ATXN1: variants seen among roughly 807,000 people sequenced by gnomAD.
ATXN1 encodes the protein ataxin 1.
ATXN1 carries 8 observed loss-of-function variants against 56.4 expected under a neutral mutation model. That is an observed-to-expected ratio of 0.14 (90% CI 0.08 to 0.26). The LOEUF (loss-of-function observed/expected upper bound fraction) is 0.26, where lower values mean the gene tolerates loss of function less well. Ranked by LOEUF, ATXN1 falls within the 10% of genes least tolerant of loss-of-function variation. The pLI is 1.00. For missense variants in ATXN1, 987 were observed against 1,106.5 expected (o/e 0.89, Z 1.53); for synonymous variants, 514 against 494.6 (o/e 1.04, Z -0.52).
intron 6 of ATXN1, among the ~76,000 whole-genome samples, chr6:16,347,849 C>A (rs6937740): frequency 1.3e-5 from 2 of 152,090 alleles, no homozygotes; most frequent in Non-Finnish European, 2.9e-5. Flanking sequence ...TAACCTTCTC[C>A]GATCCCTTTC....
rs200946216 is a variant in ATXN1 at position 16,671,301 on chromosome 6, TTTTC to T, written c.-614-13404_-614-13401del. 1.1e-3 allele frequency among the ~76,000 whole-genome samples: 100 copies of T among 92,906 alleles called. 4 individuals are homozygous for T. Among genetic ancestry groups the T allele is most frequent in the East Asian group, 3.4e-3 (10 of 2,974 alleles). 60.9% of individuals were successfully genotyped at this position (92,906 alleles called of 152,430 possible). On this transcript the variant is annotated intron_variant, in intron 2 of 7. Transcript: ENST00000436367. ...AGCATGTACACAATTGGCACTTTTC[TTTTC>T]TTTCTTTTTTTTTTTTTTTGCAGTA...
chr6:16,424,301 A>G (rs1227356340), intron 6 of ATXN1, among the ~76,000 whole-genome samples: 4 of 152,226 alleles, frequency 2.6e-5, no homozygotes, highest in East Asian at 1.9e-4. Flanking sequence ...GTGCATGCGC[A>G]TGAATGGAGC....
At chr6:16,644,619 T>C (rs1487150420) in intron 3 of ATXN1, among the ~76,000 whole-genome samples, 1 of 151,524 alleles carries the variant, frequency 6.6e-6, no homozygotes, top group East Asian at 1.9e-4. Flanking sequence ...ATATATATTT[T>C]AAAAATCAAA....
At chr6:16,542,279 G>A (rs576248457) in intron 4 of ATXN1, among the ~76,000 whole-genome samples, 36 of 152,314 alleles carry the variant, frequency 2.4e-4, no homozygotes, top group Non-Finnish European at 4.7e-4. Flanking sequence ...CACTCCAGAT[G>A]AGATTTCATC....
At chr6:16,667,170 A>C (rs989571092) in intron 2 of ATXN1, 6 of 152,238 alleles carry the variant, frequency 3.9e-5, no homozygotes, top group African/African-American at 1.4e-4. Flanking sequence ...ATGGAGGTGA[A>C]GGAGCTACAT....
intron 6 of ATXN1, among the ~76,000 whole-genome samples, chr6:16,440,649 A>AAAAAAAG (rs56105499): frequency 0.035 from 3,942 of 113,690 alleles, 285 homozygotes; most frequent in East Asian, 0.16. Flanking sequence ...TTAAAAAAAA[A>AAAAAAAG]AAAGAAAAGA....
At chr6:16,675,820 T>C (rs548297637) in intron 2 of ATXN1, among the ~76,000 whole-genome samples, 33 of 151,804 alleles carry the variant, frequency 2.2e-4, no homozygotes, top group Non-Finnish European at 4.1e-4. Flanking sequence ...ACCTGGGAGG[T>C]GGAGGCTGCA....
intron 4 of ATXN1, among the ~76,000 whole-genome samples, chr6:16,574,872 T>C (rs767919184): frequency 1.5e-4 from 23 of 151,604 alleles, no homozygotes; most frequent in Non-Finnish European, 3.2e-4. Context: ...TTTTATGTGG[T>C]CATATTTCTT....
At chr6:16,543,889 G>C (rs1761763488) in intron 4 of ATXN1, among the ~76,000 whole-genome samples, 1 of 88,808 alleles carries the variant, frequency 1.1e-5, no homozygotes, top group Admixed American at 1.2e-4. Flanking sequence ...AAAAGTAACA[G>C]GGTTGTCACT....
chr6:16,709,753 A>G (rs1759484954), intron 2 of ATXN1, among the ~76,000 whole-genome samples: 1 of 152,186 alleles, frequency 6.6e-6, no homozygotes, highest in Non-Finnish European at 1.5e-5. Flanking sequence ...CCTAGTAAAT[A>G]TTATATAAAG....
In ATXN1 at chr6:16,485,719, C is replaced by T. The variant is rs993721806; in HGVS notation, c.-161+253G>A. On this transcript the variant is annotated intron_variant, in intron 6 of 7. Transcript: ENST00000436367. ...CTACAATGAAAGAATCACTGTATTC[C>T]ATCCTTTTATTCCTGAAGTAGATAG... is the stretch of plus-strand genomic sequence containing the variant. 5 of 152,252 alleles carry T rather than the reference C, an allele frequency of 3.3e-5. No individual in the cohort carries two copies. The East Asian group carries it at 5.8e-4, about 18-fold the overall frequency. The allele number at this position is 152,252 out of a possible 1,614,324, so 9.4% of individuals were successfully genotyped here.
intron 6 of ATXN1, among the ~76,000 whole-genome samples, chr6:16,365,047 T>C (rs1399200550): frequency 1.1e-5 from 1 of 94,260 alleles, no homozygotes; most frequent in African/African-American, 3.0e-5. Flanking sequence ...GTTTTCTTTT[T>C]CTTTTTTCAT....
chr6:16,693,217 C>A (rs2113421677), intron 2 of ATXN1, among the ~76,000 whole-genome samples: 1 of 152,272 alleles, frequency 6.6e-6, no homozygotes, highest in Admixed American at 6.5e-5. Context: ...TGTTTAGTAT[C>A]CTTTGAAATA....
At chr6:16,404,012 A>G (rs1371441081) in intron 6 of ATXN1, among the ~76,000 whole-genome samples, 1 of 152,180 alleles carries the variant, frequency 6.6e-6, no homozygotes, top group African/African-American at 2.4e-5. Flanking sequence ...TGTATCCTAA[A>G]ATTGAAAAGT....
chr6:16,729,934 C>T (rs1215605709), intron 2 of ATXN1, among the ~76,000 whole-genome samples: 1 of 152,014 alleles, frequency 6.6e-6, no homozygotes, highest in East Asian at 1.9e-4. Flanking sequence ...TTCCTTTTTC[C>T]CCAAATGAAT....
chr6:16,627,821 C>T (rs576419889), intron 3 of ATXN1, among the ~76,000 whole-genome samples: 1 of 152,262 alleles, frequency 6.6e-6, no homozygotes, highest in African/African-American at 2.4e-5. Flanking sequence ...GCTGGACCAC[C>T]CCAGCTCTAA....
intron 3 of ATXN1, among the ~76,000 whole-genome samples, chr6:16,614,414 C>A (rs1164487250): frequency 6.6e-6 from 1 of 151,786 alleles, no homozygotes; most frequent in Non-Finnish European, 1.5e-5. Context: ...CTTTCTCTAC[C>A]AGTTTCCATG....
chr6:16,408,183 G>C (rs1470079125), intron 6 of ATXN1, among the ~76,000 whole-genome samples: 1 of 152,140 alleles, frequency 6.6e-6, no homozygotes, highest in Non-Finnish European at 1.5e-5. Context: ...CAGGAATAGA[G>C]AGGACACATA....
rs1270814113 is a variant in ATXN1 at position 16,760,841 on chromosome 6, C to G, written c.-730+457G>C. Among the ~76,000 whole-genome samples the G allele has an allele frequency of 6.6e-6, 1 of 150,436 alleles. No homozygotes were observed. Among genetic ancestry groups the G allele is most frequent in the Non-Finnish European group, 1.5e-5 (1 of 67,358 alleles). ...GCCGCCGCCTCCCCCCTGCGCCACCCGGAGGGAGGAGGACATGGCTCTCCG... is the reference window on the plus strand; with the variant it reads ...GCCGCCGCCTCCCCCCTGCGCCACCGGGAGGGAGGAGGACATGGCTCTCCG... On this transcript the variant is annotated intron_variant, in intron 1 of 7. Transcript: ENST00000436367. The surrounding 1 kb of genome is among the most constrained non-coding windows in gnomAD (Gnocchi z 5.3).
Sources: allele counts gnomAD v4.1 joint callset (sites outside exome capture counted in the v4.1 genomes callset), GRCh38; gene constraint gnomAD v4.1.1; non-coding constraint Gnocchi (gnomAD v3.1); transcripts MANE v1.5; gene names NCBI Gene and HGNC (gene_info 2026-07-23, HGNC 2026-07-21).